Variants in JAK2 observed in about 807,000 individuals in gnomAD.
The protein encoded by JAK2 is Janus kinase 2.
In JAK2, 86 loss-of-function variants were observed where a neutral mutation model predicts 139.3. That is an observed-to-expected ratio of 0.62 (90% CI 0.52 to 0.74). The LOEUF (loss-of-function observed/expected upper bound fraction) is 0.74. Among genes scored for constraint, JAK2 ranks in the 30% least tolerant of loss-of-function variants. The pLI, the probability that JAK2 is intolerant of heterozygous loss-of-function variation, is 0.00. For missense variants in JAK2, 1,421 were observed against 1,360.3 expected (o/e 1.04, Z -0.70); for synonymous variants, 490 against 437.7 (o/e 1.12, Z -1.49).
At chr9:4,995,200 T>G (rs1587799190) in intron 2 of JAK2, among the ~76,000 whole-genome samples, 1 of 152,250 alleles carries the variant, frequency 6.6e-6, no homozygotes, top group African/African-American at 2.4e-5. Flanking sequence ...ACTCATATCT[T>G]GGCCCACTTT....
chr9:5,102,582 C>T lies in JAK2; in HGVS notation c.3059+11671C>T, dbSNP rs141146679. 1.3e-3 allele frequency among the ~76,000 whole-genome samples: 201 copies of T among 152,158 alleles called. 1 individual carries two copies. The highest frequency in any genetic ancestry group is 4.5e-3 in the African/African-American group (187 of 41,520). On this transcript the variant is annotated intron_variant, in intron 22 of 24. Coordinates refer to ENST00000381652, the MANE Select transcript of JAK2 (RefSeq NM_004972.4). ...CCTCGAGAAGAGCAACCCCAAGACA[C>T]GTAATTGTCATATTCACCAAGGTTG...
rs909044025 is a variant in JAK2 at position 5,064,534 on chromosome 9, A to G, written c.1057-349A>G. Among the ~76,000 whole-genome samples the G allele has an allele frequency of 3.9e-5, 6 of 152,114 alleles. No homozygotes were observed. In the South Asian group the frequency reaches 1.2e-3, roughly 31 times the overall value. On this transcript the variant is annotated intron_variant, in intron 8 of 24. Coordinates refer to ENST00000381652, the MANE Select transcript of JAK2 (RefSeq NM_004972.4). ...GATGGAGCAAGACTCTCAAAAAAAA[A>G]AAAAAAGAAAAAAGGAAATGCTCAT...
intron 2 of JAK2, among the ~76,000 whole-genome samples, chr9:4,991,044 G>C (rs75896465): frequency 6.6e-6 from 1 of 152,114 alleles, no homozygotes; most frequent in African/African-American, 2.4e-5. Context: ...AATGATAGAA[G>C]GTTAGACAAG....
At chr9:5,114,750 G>C (rs554724426) in intron 22 of JAK2, 1 of 339,638 alleles carries the variant, frequency 2.9e-6, no homozygotes. Flanking sequence ...TGTGGTCCAT[G>C]AGACAGCGAC....
intron 22 of JAK2, chr9:5,110,735 G>A (rs1219787090): frequency 2.8e-6 from 1 of 363,156 alleles, no homozygotes; most frequent in South Asian, 2.2e-5. Context: ...TATAGTACCC[G>A]TGTTATTTTC....
Position 5,112,495 on chromosome 9 carries a change from G to A in JAK2, c.3060-10509G>A, listed in dbSNP as rs917996511. The A allele has an allele frequency of 1.4e-4, 79 of 559,392 alleles. 1 individual carries two copies. The highest frequency in any genetic ancestry group is 6.6e-4 in the Admixed American group (24 of 36,148). The allele number at this position is 559,392 out of a possible 1,614,324, so 34.7% of individuals were successfully genotyped here. On this transcript the variant is annotated intron_variant, in intron 22 of 24. Coordinates refer to ENST00000381652, the MANE Select transcript of JAK2 (RefSeq NM_004972.4). ...CCGGACCAGCCCAGACAAGGACGAG[G>A]AGGAAGATGACCTTTTCCCCCCAGA... is the stretch of plus-strand genomic sequence containing the variant.
At chr9:5,069,523 G>A (rs184846484) in intron 11 of JAK2, among the ~76,000 whole-genome samples, 23 of 151,916 alleles carry the variant, frequency 1.5e-4, no homozygotes, top group Non-Finnish European at 3.2e-4. Flanking sequence ...CATATACTTC[G>A]AGGATTTTAA....
Position 5,070,882 on chromosome 9 carries a change from G to C in JAK2, c.1641+830G>C, listed in dbSNP as rs117084949. 2.6e-3 allele frequency among the ~76,000 whole-genome samples: 390 copies of C among 152,250 alleles called. 2 individuals carry two copies. The highest frequency in any genetic ancestry group is 0.019 in the East Asian group (101 of 5,184). ...ATTTAAGAGCAATTTAAAAGGGCCA[G>C]GTCTCAGACCTGTGCAAGGCCACGA... On this transcript the variant is annotated intron_variant, in intron 12 of 24. Coordinates refer to ENST00000381652, the MANE Select transcript of JAK2 (RefSeq NM_004972.4).
At chr9:5,044,658 A>T in intron 5 of JAK2, 138 bp downstream of exon 5, 1 of 525,018 alleles carries the variant, frequency 1.9e-6, no homozygotes, top group Non-Finnish European at 3.3e-6. Flanking sequence ...AGAAGTAACA[A>T]AATTGAGTCT....
At chr9:5,102,866 G>A (rs1055355367) in intron 22 of JAK2, among the ~76,000 whole-genome samples, 1 of 152,054 alleles carries the variant, frequency 6.6e-6, no homozygotes, top group Non-Finnish European at 1.5e-5. Flanking sequence ...TCATTACCAG[G>A]CCTGCCTTAC....
rs2130590337 is a variant in JAK2, at chr9:5,078,351, C to G, written c.2038C>G (p.Leu680Val). 1.2e-6 allele frequency: 2 copies of G among 1,612,334 alleles called. No homozygotes were observed. The highest frequency in any genetic ancestry group is 2.2e-5 in the East Asian group (1 of 44,758). The change falls in exon 16 of 25, where the codon CTG becomes GTG. Residue 680 changes from leucine to valine, a missense_variant. Physicochemically the swap from Leu to Val is conservative, Grantham distance 32. Transcript: ENST00000381652. Reference protein sequence around the residue: ...IHGNVCAKNILLIREEDRKTG... With the variant: ...IHGNVCAKNIVLIREEDRKTG... ...TGGGAATGTATGTGCCAAAAATATT[C>G]TGCTTATCAGAGAAGAAGACAGGAA...
intron 22 of JAK2, among the ~76,000 whole-genome samples, chr9:5,118,328 C>T (rs913708721): frequency 6.6e-6 from 1 of 152,038 alleles, no homozygotes; most frequent in Non-Finnish European, 1.5e-5. Context: ...TAATATGTTA[C>T]ACTTTGTATT....
intron 4 of JAK2, among the ~76,000 whole-genome samples, chr9:5,042,357 T>G (rs1344777823): frequency 5.3e-5 from 8 of 151,384 alleles, no homozygotes; most frequent in Admixed American, 3.9e-4. Flanking sequence ...CAGGATGGTC[T>G]CGATCTCCTG....
chr9:5,044,358 T>C, intron 4 of JAK2, 45 bp from the exon 5 acceptor site: 1 of 1,202,710 alleles, frequency 8.3e-7, no homozygotes, highest in Non-Finnish European at 1.2e-6. Context: ...TACGTTTGTA[T>C]TTGAACTATT....
At chr9:5,015,900 GT>G (rs369512856) in intron 2 of JAK2, among the ~76,000 whole-genome samples, 100 of 152,040 alleles carry the variant, frequency 6.6e-4, no homozygotes, top group Middle Eastern at 3.4e-3. Flanking sequence ...TATAAAAAGA[GT>G]AAAAAATATC....
In JAK2 at chr9:5,054,473, A is replaced by G. The variant is rs908719335; in HGVS notation, c.615-90A>G. On this transcript the variant is annotated intron_variant, in intron 6 of 24. Transcript: ENST00000381652. This position sits in a 1 kb window ranked among gnomAD's most constrained non-coding sequence, Gnocchi z 4.9. Reference sequence around the variant, plus strand: ...TGTTGTAAGGCCTACTTAATCATGGAAAAAGGTGGTAACTTCTTTTTCAAT... The same window carrying G: ...TGTTGTAAGGCCTACTTAATCATGGGAAAAGGTGGTAACTTCTTTTTCAAT... 1.8e-6 allele frequency: 2 copies of G among 1,102,710 alleles called. No homozygotes were observed. The highest frequency in any genetic ancestry group is 2.6e-6 in the Non-Finnish European group (2 of 763,834). The allele number at this position is 1,102,710 out of a possible 1,614,324, so 68.3% of individuals were successfully genotyped here.
rs573599859 is a variant in JAK2 at position 5,061,470 on chromosome 9, T to C, written c.1057-3413T>C. The stretch of plus-strand genomic sequence containing the variant: ...CATTTGCTGCTTCACCTTGCACTTA[T>C]GCTGTGCACATGGCTTCTTTTCTTA... On this transcript the variant is annotated intron_variant, in intron 8 of 24. Transcript: ENST00000381652. Among the ~76,000 whole-genome samples the C allele has an allele frequency of 9.1e-4, 138 of 152,380 alleles. 1 individual carries two copies. Among genetic ancestry groups the C allele is most frequent in the Non-Finnish European group, 1.7e-3 (113 of 68,032 alleles).
At chr9:5,060,187 G>A (rs1209686077) in intron 8 of JAK2, among the ~76,000 whole-genome samples, 2 of 152,210 alleles carry the variant, frequency 1.3e-5, no homozygotes, top group African/African-American at 4.8e-5. Flanking sequence ...AGCCTCCAGA[G>A]AGTTATAATC....
chr9:5,057,446 G>T (rs1817843199), intron 8 of JAK2, among the ~76,000 whole-genome samples: 1 of 151,902 alleles, frequency 6.6e-6, no homozygotes, highest in East Asian at 1.9e-4. Context: ...GTACAGTTTA[G>T]TAGTGTTAAG....
Sources: allele counts gnomAD v4.1 joint callset (sites outside exome capture counted in the v4.1 genomes callset), GRCh38; gene constraint gnomAD v4.1.1; non-coding constraint Gnocchi (gnomAD v3.1); transcripts MANE v1.5; gene names NCBI Gene and HGNC (gene_info 2026-07-23, HGNC 2026-07-21).